Variants in ARSG observed in about 807,000 individuals in gnomAD.
ARSG encodes arylsulfatase G, also known as ASG.
A neutral mutation model predicts 50.5 loss-of-function variants in ARSG; 37 were observed. The observed-to-expected ratio is 0.73, with a 90% CI of 0.56 to 0.96. The LOEUF (loss-of-function observed/expected upper bound fraction) is 0.96. ARSG is among the 50% of genes least tolerant of loss of function. The pLI is 0.00. For synonymous variants in ARSG, 225 were observed against 254.6 expected, an observed-to-expected ratio of 0.88 and a Z score of 1.11; for missense variants, 629 against 675.3, an observed-to-expected ratio of 0.93 and a Z score of 0.76.
chr17:68,360,309 A>G (rs1049622100), intron 6 of ARSG, among the ~76,000 whole-genome samples: 4 of 152,222 alleles, frequency 2.6e-5, no homozygotes, highest in African/African-American at 9.6e-5. Flanking sequence ...TTTTCTGAGC[A>G]TCAGCAGAAA....
At chr17:68,388,944 A>AAAAT (rs1491203982) in intron 9 of ARSG, among the ~76,000 whole-genome samples, 3,218 of 145,958 alleles carry the variant, frequency 0.022, 119 homozygotes, top group African/African-American at 0.059. Context: ...AAAAAAAAAA[A>AAAAT]AGAAAAACAG....
At chr17:68,403,709 C>CT (rs1052519660) in intron 11 of ARSG, among the ~76,000 whole-genome samples, 33 of 151,650 alleles carry the variant, frequency 2.2e-4, no homozygotes, top group Middle Eastern at 3.4e-3. Flanking sequence ...TATTGTTTTT[C>CT]TTTTTTTTTA....
downstream of ARSG, chr17:68,426,253 G>GGCCCCCCCC: frequency 1.2e-6 from 1 of 841,012 alleles, no homozygotes; most frequent in East Asian, 3.4e-5. Flanking sequence ...GGGGAGCGGG[G>GGCCCCCCCC]GCTCAAATAA....
At chr17:68,336,659 C>G (rs1010937453) in intron 2 of ARSG, among the ~76,000 whole-genome samples, 1 of 152,126 alleles carries the variant, frequency 6.6e-6, no homozygotes, top group Non-Finnish European at 1.5e-5. Flanking sequence ...TTGAGACCAG[C>G]CTTGCCAACA....
At chr17:68,357,833 A>G (rs1474922406) in intron 6 of ARSG, among the ~76,000 whole-genome samples, 1 of 152,154 alleles carries the variant, frequency 6.6e-6, no homozygotes, top group Non-Finnish European at 1.5e-5. Flanking sequence ...GGAATATCAC[A>G]TCTTTTCATT....
intron 3 of ARSG, among the ~76,000 whole-genome samples, chr17:68,345,469 C>G (rs1369373691): frequency 6.6e-6 from 1 of 152,208 alleles, no homozygotes; most frequent in African/African-American, 2.4e-5. Flanking sequence ...TCCCAGTAAG[C>G]AACTGTTTGC....
At chr17:68,406,514 T>C (rs1170578113) in intron 11 of ARSG, among the ~76,000 whole-genome samples, 1 of 152,228 alleles carries the variant, frequency 6.6e-6, no homozygotes, top group Admixed American at 6.5e-5. Context: ...GTAGAAGTGT[T>C]CCCTGTTCAC....
At chr17:68,296,419 C>G (rs2076210426) in intron 1 of ARSG, among the ~76,000 whole-genome samples, 1 of 152,176 alleles carries the variant, frequency 6.6e-6, no homozygotes, top group African/African-American at 2.4e-5. Context: ...GAACAATAGG[C>G]AATGTTAAGC....
intron 11 of ARSG, among the ~76,000 whole-genome samples, chr17:68,414,920 CTTCTT>C (rs1195275634): frequency 1.3e-5 from 2 of 152,070 alleles, no homozygotes; most frequent in East Asian, 1.9e-4. Flanking sequence ...GATTTTCTCT[CTTCTT>C]TTCTTGGTTA....
At chr17:68,401,236 TG>T in intron 10 of ARSG, 123 bp from the exon 11 acceptor site, 1 of 789,982 alleles carries the variant, frequency 1.3e-6, no homozygotes, top group Non-Finnish European at 2.1e-6. Flanking sequence ...TTGCCCAGGC[TG>T]GTTTCAAACT....
chr17:68,298,957 A>G (rs1397866887), intron 1 of ARSG, among the ~76,000 whole-genome samples: 3 of 152,190 alleles, frequency 2.0e-5, no homozygotes, highest in African/African-American at 7.2e-5. Flanking sequence ...TTTAGTTTAT[A>G]AAAACATATT....
intron 2 of ARSG, among the ~76,000 whole-genome samples, chr17:68,327,198 G>A (rs566828352): frequency 1.9e-3 from 283 of 152,078 alleles, no homozygotes; most frequent in Admixed American, 3.7e-3. Context: ...TGAGTGGGGC[G>A]TGGGGGAGGG....
chr17:68,326,357 G>C (rs933093158), intron 2 of ARSG, among the ~76,000 whole-genome samples: 1 of 152,184 alleles, frequency 6.6e-6, no homozygotes, highest in Admixed American at 6.5e-5. Context: ...GCCAGAGCCA[G>C]CTGGAAGTGT....
chr17:68,351,729 C>G (rs1285361091), intron 5 of ARSG, 43 bp downstream of exon 5: 1 of 1,334,898 alleles, frequency 7.5e-7, no homozygotes, highest in Admixed American at 1.7e-5. Flanking sequence ...CAGGACAAGG[C>G]AAAGTTCCAA....
At chr17:68,297,152 A>G (rs1479808930) in intron 1 of ARSG, among the ~76,000 whole-genome samples, 1 of 152,196 alleles carries the variant, frequency 6.6e-6, no homozygotes, top group Non-Finnish European at 1.5e-5. Flanking sequence ...TCCTGGACAA[A>G]GAGTTCTTTT....
At chr17:68,382,601 T>A (rs1332060983) in intron 8 of ARSG, among the ~76,000 whole-genome samples, 1 of 152,200 alleles carries the variant, frequency 6.6e-6, no homozygotes, top group Non-Finnish European at 1.5e-5. Flanking sequence ...CTGTTTGATA[T>A]AAGCATATGC....
intron 10 of ARSG, among the ~76,000 whole-genome samples, chr17:68,396,120 T>C (rs1281761041): frequency 6.6e-6 from 1 of 151,906 alleles, no homozygotes; most frequent in Non-Finnish European, 1.5e-5. Context: ...GCGATTCTGC[T>C]GCCTCACCCT....
intron 8 of ARSG, among the ~76,000 whole-genome samples, chr17:68,373,954 G>A (rs943551344): frequency 5.3e-5 from 8 of 151,730 alleles, no homozygotes; most frequent in African/African-American, 1.7e-4. Context: ...TCAGGAGATC[G>A]AGACCATCCT....
chr17:68,422,177 C>G (rs2082830996), downstream of ARSG: 1 of 206,638 alleles, frequency 4.8e-6, no homozygotes, highest in African/African-American at 2.3e-5. Flanking sequence ...CCTGTAATCC[C>G]AGAACTTTGG....
Sources: allele counts gnomAD v4.1 joint callset (sites outside exome capture counted in the v4.1 genomes callset), GRCh38; gene constraint gnomAD v4.1.1; transcripts MANE v1.5; gene names NCBI Gene and HGNC (gene_info 2026-07-23, HGNC 2026-07-21).